The following PMEL variants were observed in gnomAD, a reference collection of about 807,000 sequenced individuals.
PMEL encodes the protein premelanosome protein, also known as melanocyte protein PMEL.
PMEL carries 53 observed loss-of-function variants against 64.9 expected under a neutral mutation model. The observed-to-expected ratio is 0.82, with a 90% confidence interval of 0.66 to 1.03. PMEL has a LOEUF of 1.03. Ranked by LOEUF, PMEL falls within the 50% of genes least tolerant of loss-of-function variation. The pLI is 0.00. For missense variants in PMEL, 716 were observed against 814.9 expected (o/e 0.88, Z 1.48); for synonymous variants, 299 against 316.2 (o/e 0.95, Z 0.58).
chr12:55,961,456 T>A lies in PMEL; in HGVS notation c.195A>T (p.Gln65His). The change falls in exon 3 of 11, where the codon CAA becomes CAT. Residue 65 changes from glutamine to histidine, a missense_variant. Transcript: ENST00000548747. ...AQRLDCWRGG[Q>H]VSLKVSNDGP... ...CATCATTACTGACCTTGAGGGACAC[T>A]TGACCACCTGGGAAGGAAAGCTACA... 1 of 1,614,128 alleles carries A rather than the reference T, an allele frequency of 6.2e-7. No homozygotes were observed. Among genetic ancestry groups the A allele is most frequent in the Non-Finnish European group, 8.5e-7 (1 of 1,179,980 alleles).
chr12:55,966,651 T>A (rs1470300632), upstream of PMEL: 1 of 1,054,592 alleles, frequency 9.5e-7, no homozygotes, highest in African/African-American at 1.7e-5. Context: ...GGAAGAAACT[T>A]GTCTAGCCCC....
chr12:55,956,451 A>C, intron 6 of PMEL: 1 of 478,876 alleles, frequency 2.1e-6, no homozygotes, highest in Non-Finnish European at 3.7e-6. Context: ...AGTTTTAAAA[A>C]ATCCTCAAAT....
chr12:55,960,932 G>A (rs1469656055), intron 3 of PMEL, among the ~76,000 whole-genome samples: 1 of 149,990 alleles, frequency 6.7e-6, no homozygotes, highest in African/African-American at 2.4e-5. Context: ...GGCCGGGTGC[G>A]ATGGCTCACG....
chr12:55,961,211 G>T, intron 3 of PMEL, 106 bp downstream of exon 3: 2 of 892,456 alleles, frequency 2.2e-6, no homozygotes, highest in Non-Finnish European at 1.6e-6. Context: ...TCTCAAAAAA[G>T]AAAAAAAAAA....
chr12:55,966,690 C>T (rs2136455244), upstream of PMEL: 1 of 1,098,274 alleles, frequency 9.1e-7, no homozygotes, highest in East Asian at 6.2e-5. Flanking sequence ...GGGGCGGGAT[C>T]ATTTGCGGGG....
At chr12:55,959,241 C>T (rs1391748347) in intron 3 of PMEL, among the ~76,000 whole-genome samples, 1 of 151,436 alleles carries the variant, frequency 6.6e-6, no homozygotes, top group African/African-American at 2.4e-5. Context: ...AAAAATTAGC[C>T]AGGTGTGGTG....
At chr12:55,959,751 G>A (rs1302741753) in intron 3 of PMEL, among the ~76,000 whole-genome samples, 1 of 152,094 alleles carries the variant, frequency 6.6e-6, no homozygotes, top group Non-Finnish European at 1.5e-5. Context: ...GCTGCAGTGA[G>A]CCAAGATCGC....
In PMEL at chr12:55,961,396, A is replaced by G. The variant is rs763882058; in HGVS notation, c.255T>C (p.Ser85=). The G allele has an allele frequency of 2.5e-6, 4 of 1,614,172 alleles. No homozygotes were observed. The Admixed American group carries it at 6.7e-5, about 27-fold the overall frequency. The change falls in exon 3 of 11, where the codon TCT becomes TCC. Residue 85 remains serine, a synonymous_variant. Coordinates refer to ENST00000548747, the MANE Select transcript of PMEL (RefSeq NM_001384361.1). ...GGCTTCCAGGGAAGTTCAAGGCAAT[A>G]GAGAAGGAGGCATTTGCACCAATCA... ...PTLIGANASF[S]IALNFPGSQK... is the part of the protein sequence containing the mutation.
chr12:55,958,556 G>C lies in PMEL; in HGVS notation c.386C>G (p.Ala129Gly), dbSNP rs1181457650. 9 of 1,613,902 alleles carry C rather than the reference G, an allele frequency of 5.6e-6. No homozygotes were observed. Among genetic ancestry groups the C allele is most frequent in the Middle Eastern group, 1.6e-4 (1 of 6,084 alleles). ...QPVYPQETDD[A>G]CIFPDGGPCP... The stretch of plus-strand genomic sequence containing the variant: ...AGGTCCACCATCAGGGAAGATGCAG[G>C]CATCGTCAGTTTCCTGGGGATACAC... Residue 129 changes from alanine to glycine, a missense_variant, in exon 4 of 11, where the codon GCC (alanine) becomes GGC (glycine). Transcript: ENST00000548747.
Position 55,954,318 on chromosome 12 carries a change from G to A in PMEL, c.1882C>T (p.Pro628Ser), listed in dbSNP as rs1305631963. The A allele has an allele frequency of 4.3e-6, 7 of 1,614,032 alleles. No homozygotes were observed. Among genetic ancestry groups the A allele is most frequent in the African/African-American group, 1.3e-5 (1 of 74,934 alleles). ...TGACTGCTGCTATGTGGCAACTGGG[G>A]TACGGAGAAGTCTTGCTTCATAAGT... ...RRLMKQDFSV[P>S]QLPHSSSHWL... The change falls in exon 11 of 11, where the codon CCC becomes TCC. Residue 628 changes from proline to serine, a missense_variant. Coordinates refer to ENST00000548747, the MANE Select transcript of PMEL (RefSeq NM_001384361.1).
Position 55,955,802 on chromosome 12 carries a change from C to T in PMEL, c.1533G>A (p.Glu511=). The change falls in exon 8 of 11, where the codon GAG becomes GAA. Residue 511 remains glutamate (E), a synonymous_variant. Coordinates refer to ENST00000548747, the MANE Select transcript of PMEL (RefSeq NM_001384361.1). The part of the protein sequence containing the change: ...AVPSGEGDAF[E]LTVSCQGGLP... ...ACCCGCCTTGGCAGGACACAGTCAG[C>T]TCAAATGCATCCCCCTCACCGGACG... The T allele has an allele frequency of 1.2e-6, 2 of 1,614,094 alleles. No homozygotes were observed. Among genetic ancestry groups the T allele is most frequent in the Non-Finnish European group, 1.7e-6 (2 of 1,179,930 alleles).
intron 3 of PMEL, among the ~76,000 whole-genome samples, chr12:55,959,376 C>T (rs920456995): frequency 6.8e-6 from 1 of 147,690 alleles, no homozygotes; most frequent in African/African-American, 2.6e-5. Flanking sequence ...GAGAGAAGGA[C>T]CCCGACTTTA....
chr12:55,956,026 C>T, intron 7 of PMEL, 77 bp downstream of exon 7: 1 of 1,154,876 alleles, frequency 8.7e-7, no homozygotes, highest in East Asian at 2.3e-5. Flanking sequence ...GTAATTCCTC[C>T]CAAGGTGTGC....
At chr12:55,956,831 T>A in intron 6 of PMEL, 118 bp downstream of exon 6, 1 of 1,117,318 alleles carries the variant, frequency 9.0e-7, no homozygotes, top group Non-Finnish European at 1.3e-6. Context: ...CAGTGAGAAC[T>A]CTGAGGGGAC....
chr12:55,961,162 G>A (rs1321482315), intron 3 of PMEL, 155 bp downstream of exon 3: 5 of 621,006 alleles, frequency 8.1e-6, no homozygotes, highest in African/African-American at 7.5e-5. Flanking sequence ...CCGAGATTGC[G>A]CCACTGCACT....
rs770710580 is a variant in PMEL, at chr12:55,955,422, A to G, written c.1762+42T>C. 6.2e-6 allele frequency: 10 copies of G among 1,612,372 alleles called. No individual in the cohort carries two copies. In the Admixed American group the frequency reaches 1.3e-4, roughly 22 times the overall value. On this transcript the variant is annotated intron_variant, in intron 9 of 10. Transcript: ENST00000548747. ...GTCTGCTGCTTGCCAGCTGCCCTCTATCCACTCCCTTCCTCATCTTAGCTC... is the reference window on the plus strand; with the variant it reads ...GTCTGCTGCTTGCCAGCTGCCCTCTGTCCACTCCCTTCCTCATCTTAGCTC...
chr12:55,955,435 C>T, intron 9 of PMEL, 29 bp downstream of exon 9: 2 of 1,613,252 alleles, frequency 1.2e-6, no homozygotes, highest in Non-Finnish European at 1.7e-6. Flanking sequence ...CACTCCCTTC[C>T]TCATCTTAGC....
Position 55,965,935 on chromosome 12 carries a change from C to T in PMEL, c.76+1G>A. 2 of 1,614,210 alleles carry T rather than the reference C, an allele frequency of 1.2e-6. No individual in the cohort carries two copies. Among genetic ancestry groups the T allele is most frequent in the Non-Finnish European group, 8.5e-7 (1 of 1,180,028 alleles). ...GCTCATGTCCACATATCCACACATA[C>T]CTTTTGTAGCCCCCACAGCCAGCAA... On this transcript the variant is annotated splice_donor_variant, in intron 1 of 10. Coordinates refer to ENST00000548747, the MANE Select transcript of PMEL (RefSeq NM_001384361.1). LOFTEE classifies it high-confidence loss of function.
upstream of PMEL, chr12:55,966,049 A>G (rs1428550939): frequency 6.2e-7 from 1 of 1,614,060 alleles, no homozygotes; most frequent in Non-Finnish European, 8.5e-7. Context: ...CACTGGGGGG[A>G]CTGGGATAGG....
Sources: gnomAD v4.1 joint callset for allele counts (sites outside exome capture counted in the v4.1 genomes callset) on GRCh38, gnomAD v4.1.1 for gene constraint, MANE v1.5 for transcripts, NCBI Gene and HGNC (gene_info 2026-07-23, HGNC 2026-07-21) for gene names.